Variants in ADAM23 observed in about 807,000 individuals in gnomAD.
The protein encoded by ADAM23 is ADAM metallopeptidase domain 23, also known as disintegrin and metalloproteinase domain-containing protein 23.
In ADAM23, 33 loss-of-function variants were observed where a neutral mutation model predicts 120.1. That is an observed-to-expected ratio of 0.27 (90% CI 0.21 to 0.37). The LOEUF (loss-of-function observed/expected upper bound fraction) is 0.37. ADAM23 is among the 10% of genes least tolerant of loss of function. The pLI is 1.00. For synonymous variants in ADAM23, 367 were observed against 375.2 expected (o/e 0.98, Z 0.25); for missense variants, 862 against 1,058.2 (o/e 0.81, Z 2.57).
chr2:206,543,437 A>T (rs531348178), intron 6 of ADAM23, 121 bp downstream of exon 6: 2 of 801,032 alleles, frequency 2.5e-6, no homozygotes, highest in East Asian at 5.1e-5. Context: ...CTTATTTCAA[A>T]CTTAGAGTAG....
chr2:206,617,707 T>C lies in ADAM23; in HGVS notation c.*80T>C, dbSNP rs1260276079. On this transcript the variant is annotated 3_prime_UTR_variant, in exon 26 of 26. Transcript: ENST00000264377. The stretch of plus-strand genomic sequence containing the variant: ...ACTCGCAGCAGTGTTACTGGAACTA[T>C]TAAGTTTGTAAACAAAACCTTTGGG... 1.3e-6 allele frequency: 2 copies of C among 1,583,088 alleles called. No homozygotes were observed. Among genetic ancestry groups the C allele is most frequent in the Non-Finnish European group, 1.7e-6 (2 of 1,164,576 alleles).
rs1167929350 is a variant in ADAM23, at chr2:206,559,357, G to A, written c.1006-598G>A. The stretch of plus-strand genomic sequence containing the variant: ...CAAAAATAGAGAGAGAGCAGAAAGG[G>A]AACAATTTAAATATTGTGGGTGATG... On this transcript the variant is annotated intron_variant, in intron 10 of 25. Transcript: ENST00000264377. Among the ~76,000 whole-genome samples the A allele has an allele frequency of 3.9e-5, 6 of 152,318 alleles. No homozygotes were observed. In the South Asian group the frequency reaches 1.2e-3, roughly 32 times the overall value.
At chr2:206,527,118 G>T (rs369244071) in intron 3 of ADAM23, among the ~76,000 whole-genome samples, 3 of 152,182 alleles carry the variant, frequency 2.0e-5, no homozygotes, top group South Asian at 4.1e-4. Flanking sequence ...ATTGAAAAAA[G>T]ATGTTTATTT....
chr2:206,538,381 G>A (rs749573740), intron 4 of ADAM23, among the ~76,000 whole-genome samples: 1 of 151,982 alleles, frequency 6.6e-6, no homozygotes, highest in African/African-American at 2.4e-5. Flanking sequence ...AAATAGTTTA[G>A]CATATCCTAG....
rs1180981265 is a variant in ADAM23, at chr2:206,587,337, C to A, written c.1750C>A (p.Leu584Ile). The A allele has an allele frequency of 4.4e-6, 7 of 1,607,696 alleles. No homozygotes were observed. The African/African-American group carries it at 9.4e-5, about 22-fold the overall frequency. ...TAATATTTTGCAGTGCCCACCAAAT[C>A]TTCATAAGCAAGACGGATATGCATG... ...TGDSGQCPPN[L>I]HKQDGYACNQ... Residue 584 changes from leucine (L) to isoleucine (I), a missense_variant, in exon 19 of 26, where the codon CTT becomes ATT. Leu to Ile is a conservative substitution (Grantham distance 5). Coordinates refer to ENST00000264377, the MANE Select transcript of ADAM23 (RefSeq NM_003812.4).
intron 21 of ADAM23, among the ~76,000 whole-genome samples, chr2:206,590,955 G>A (rs1698414720): frequency 6.6e-6 from 1 of 152,188 alleles, no homozygotes; most frequent in South Asian, 2.1e-4. Flanking sequence ...TTATTGTAAA[G>A]GATAGCTTTT....
At chr2:206,488,914 C>T (rs1279497520) in intron 3 of ADAM23, among the ~76,000 whole-genome samples, 2 of 152,182 alleles carry the variant, frequency 1.3e-5, no homozygotes, top group Non-Finnish European at 2.9e-5. Flanking sequence ...GTGAGGCCCC[C>T]TCTCTTAAAG....
chr2:206,593,275 C>T (rs1285007239), intron 22 of ADAM23, among the ~76,000 whole-genome samples: 1 of 152,066 alleles, frequency 6.6e-6, no homozygotes, highest in African/African-American at 2.4e-5. Flanking sequence ...TTTGTTTAGT[C>T]GGGGAGTCAT....
intron 24 of ADAM23, among the ~76,000 whole-genome samples, chr2:206,599,208 A>G (rs941792882): frequency 5.3e-5 from 8 of 151,522 alleles, no homozygotes; most frequent in African/African-American, 1.9e-4. Context: ...CCATCTCAAA[A>G]AAAAAAAAAA....
At chr2:206,466,205 T>A (rs2105864245) in intron 2 of ADAM23, among the ~76,000 whole-genome samples, 1 of 152,310 alleles carries the variant, frequency 6.6e-6, no homozygotes, top group Non-Finnish European at 1.5e-5. Context: ...TAGGAATGTT[T>A]AATATATATA....
chr2:206,511,008 A>G (rs1344074306), intron 3 of ADAM23, among the ~76,000 whole-genome samples: 3 of 151,862 alleles, frequency 2.0e-5, no homozygotes, highest in African/African-American at 7.3e-5. Flanking sequence ...TTTCTCTTCC[A>G]TGTGTTTTAT....
intron 2 of ADAM23, among the ~76,000 whole-genome samples, chr2:206,476,118 C>T (rs917095330): frequency 1.3e-5 from 2 of 152,150 alleles, no homozygotes; most frequent in African/African-American, 4.8e-5. Context: ...GACCTGTAGC[C>T]CTCTTCTTTA....
rs904563384 is a variant in ADAM23 at position 206,494,223 on chromosome 2, A to G, written c.509+12915A>G. 5.9e-5 allele frequency among the ~76,000 whole-genome samples: 9 copies of G among 152,204 alleles called. No individual in the cohort carries two copies. The East Asian group carries it at 7.7e-4, about 13-fold the overall frequency. ...CACATTACATCCACTGAACTTACTGATTCTGCAAAATGGAAACTGAAACCC... is the reference window on the plus strand; with the variant it reads ...CACATTACATCCACTGAACTTACTGGTTCTGCAAAATGGAAACTGAAACCC... On this transcript the variant is annotated intron_variant, in intron 3 of 25. Transcript: ENST00000264377.
At chr2:206,522,954 C>T (rs999959035) in intron 3 of ADAM23, among the ~76,000 whole-genome samples, 4 of 152,146 alleles carry the variant, frequency 2.6e-5, no homozygotes, top group East Asian at 1.9e-4. Flanking sequence ...TTCATATGGT[C>T]GAGCTTTAAG....
intron 4 of ADAM23, 112 bp from the exon 5 acceptor site, chr2:206,541,940 A>T: frequency 1.9e-6 from 2 of 1,076,372 alleles, no homozygotes; most frequent in Non-Finnish European, 2.8e-6. Context: ...TAGGGTTATT[A>T]ATACAGTGCA....
intron 25 of ADAM23, among the ~76,000 whole-genome samples, chr2:206,613,067 CT>C (rs796086378): frequency 1.3e-5 from 2 of 150,762 alleles, no homozygotes; most frequent in Non-Finnish European, 3.0e-5. Flanking sequence ...ATTTCTTTTT[CT>C]TTTTTTTTGA....
At chr2:206,567,797 G>A (rs1697918962) in intron 15 of ADAM23, among the ~76,000 whole-genome samples, 1 of 152,158 alleles carries the variant, frequency 6.6e-6, no homozygotes, top group Non-Finnish European at 1.5e-5. Context: ...AGACAAAAGA[G>A]TTTTAATTGA....
intron 3 of ADAM23, among the ~76,000 whole-genome samples, chr2:206,493,394 CG>C (rs34088381): frequency 6.6e-6 from 1 of 151,980 alleles, no homozygotes; most frequent in Admixed American, 6.6e-5. Flanking sequence ...TTTTTTGAGA[CG>C]GAGTTTCGCT....
At chr2:206,604,966 A>G (rs1289392708) in intron 24 of ADAM23, among the ~76,000 whole-genome samples, 1 of 152,212 alleles carries the variant, frequency 6.6e-6, no homozygotes, top group African/African-American at 2.4e-5. Flanking sequence ...AACTGCAAAC[A>G]ATGTGTCTTC....
Sources: allele counts gnomAD v4.1 joint callset (sites outside exome capture counted in the v4.1 genomes callset), GRCh38; gene constraint gnomAD v4.1.1; transcripts MANE v1.5; gene names NCBI Gene and HGNC (gene_info 2026-07-23, HGNC 2026-07-21).